MAML1: variants seen among roughly 807,000 people sequenced by gnomAD.
The protein encoded by MAML1 is mastermind-like protein 1.
Under a neutral mutation model 77.1 loss-of-function variants are expected in MAML1, and 14 were observed. That is an observed-to-expected ratio of 0.18 (90% CI 0.12 to 0.28). MAML1 has a LOEUF of 0.28. Among genes scored for constraint, MAML1 ranks in the 10% least tolerant of loss-of-function variants. The pLI is 1.00. For synonymous variants in MAML1, 516 were observed against 551.9 expected, an observed-to-expected ratio of 0.93 and a Z score of 0.91; for missense variants, 1,217 against 1,327.8, an observed-to-expected ratio of 0.92 and a Z score of 1.30.
At chr5:179,761,194 G>T (rs556666273) in intron 1 of MAML1, among the ~76,000 whole-genome samples, 1 of 152,144 alleles carries the variant, frequency 6.6e-6, no homozygotes, top group African/African-American at 2.4e-5. Context: ...AGGAGTTTGA[G>T]ACTAGCCTGG....
Position 179,766,139 on chromosome 5 carries a change from C to G in MAML1, c.1129C>G (p.Leu377Val). 5 of 1,574,380 alleles carry G rather than the reference C, an allele frequency of 3.2e-6. No homozygotes were observed. Among genetic ancestry groups the G allele is most frequent in the Non-Finnish European group, 4.3e-6 (5 of 1,161,754 alleles). ...CCAGGCCCAGAACGCACAAAGAGCCCTTGCAGGTGTGGTATTGCCCAGTCA... is the reference window on the plus strand; with the variant it reads ...CCAGGCCCAGAACGCACAAAGAGCCGTTGCAGGTGTGGTATTGCCCAGTCA... The part of the protein sequence containing the change: ...SAQAQNAQRA[L>V]AGVVLPSQGP... Residue 377 changes from leucine to valine, a missense_variant, in exon 2 of 5, where the codon CTT (leucine) becomes GTT (valine). By Grantham distance (32) the Leu-to-Val change is conservative (BLOSUM62 1). This residue lies in a region of MAML1 where 884 missense variants were observed against 949.3 expected (regional missense o/e 0.93). Transcript: ENST00000292599. This position sits in a 1 kb window ranked among gnomAD's most constrained non-coding sequence, Gnocchi z 4.0.
In MAML1 at chr5:179,771,430, CAGAGGCAAACCACT is replaced by C. The variant is rs1260148276; in HGVS notation, c.2068+191_2068+204del. The stretch of plus-strand genomic sequence containing the variant: ...TCCACGGCATCAGGAGAAGAGGGCA[CAGAGGCAAACCACT>C]AGAACTACCTTTGCTGGGTCCCTGG... On this transcript the variant is annotated intron_variant, in intron 4 of 4. Coordinates refer to ENST00000292599, the MANE Select transcript of MAML1 (RefSeq NM_014757.5). The surrounding 1 kb of genome is among the most constrained non-coding windows in gnomAD (Gnocchi z 4.7). Among the ~76,000 whole-genome samples the C allele has an allele frequency of 6.6e-6, 1 of 152,224 alleles. No individual in the cohort carries two copies. The highest frequency in any genetic ancestry group is 1.5e-5 in the Non-Finnish European group (1 of 68,038).
At chr5:179,747,654 CA>C (rs1779406242) in intron 1 of MAML1, among the ~76,000 whole-genome samples, 1 of 151,440 alleles carries the variant, frequency 6.6e-6, no homozygotes, top group Non-Finnish European at 1.5e-5. Flanking sequence ...ACTAAAAATA[CA>C]AAAAATTAGC....
Position 179,733,024 on chromosome 5 carries a change from G to A in MAML1, c.-89G>A. 2.4e-6 allele frequency: 2 copies of A among 817,494 alleles called. No homozygotes were observed. Among genetic ancestry groups the A allele is most frequent in the Non-Finnish European group, 3.2e-6 (2 of 618,702 alleles). The allele number at this position is 817,494 out of a possible 1,614,324, so 50.6% of individuals were successfully genotyped here. A position where few individuals can be genotyped will look rare whatever the true frequency, so the allele number is the denominator to read the frequency against. On this transcript the variant is annotated 5_prime_UTR_variant, in exon 1 of 5. Transcript: ENST00000292599. ...GGGGGCATGGCGCGGCCGTGAGGCG[G>A]AGAGGGGTAGCCGCGGGGAGCGAAG...
intron 1 of MAML1, among the ~76,000 whole-genome samples, chr5:179,737,295 A>C (rs930094037): frequency 6.6e-6 from 1 of 151,974 alleles, no homozygotes; most frequent in African/African-American, 2.4e-5. Context: ...TTGCATTTGG[A>C]CTCCAAGTTA....
chr5:179,758,847 A>G (rs941685393), intron 1 of MAML1, among the ~76,000 whole-genome samples: 3 of 152,124 alleles, frequency 2.0e-5, no homozygotes, highest in African/African-American at 7.2e-5. Context: ...TACTCAAAAT[A>G]CAAAAATTAG....
chr5:179,776,537 G>T lies in MAML1; in HGVS notation c.*1660G>T. 1 of 985,664 alleles carries T rather than the reference G, an allele frequency of 1.0e-6. No individual in the cohort carries two copies. Among genetic ancestry groups the T allele is most frequent in the Non-Finnish European group, 1.2e-6 (1 of 829,946 alleles). 61.1% of individuals were successfully genotyped at this position (985,664 alleles called of 1,614,324 possible). On this transcript the variant is annotated 3_prime_UTR_variant, in exon 5 of 5. Transcript: ENST00000292599. Reference sequence around the variant, plus strand: ...CTACCTTTCCCATGTACTCAGTTTAGCTCTCAAAGAAGGGGTGAATCATAA... The same window carrying T: ...CTACCTTTCCCATGTACTCAGTTTATCTCTCAAAGAAGGGGTGAATCATAA...
At chr5:179,739,367 T>C (rs1256098714) in intron 1 of MAML1, among the ~76,000 whole-genome samples, 2 of 143,740 alleles carry the variant, frequency 1.4e-5, no homozygotes, top group African/African-American at 4.9e-5. Context: ...TAGAATAGAA[T>C]AGAACGGAAC....
intron 1 of MAML1, among the ~76,000 whole-genome samples, chr5:179,754,284 G>A (rs950062688): frequency 2.6e-5 from 4 of 151,918 alleles, no homozygotes; most frequent in African/African-American, 9.7e-5. Flanking sequence ...GCTGTCTCAA[G>A]AAGAAGAAAT....
At position 179,769,188 on chromosome 5, in the gene MAML1, G is replaced by A. The variant is rs992515111; in HGVS notation, c.1971+99G>A. The A allele has an allele frequency of 1.3e-5, 19 of 1,510,012 alleles. No individual in the cohort carries two copies. Among genetic ancestry groups the A allele is most frequent in the African/African-American group, 6.9e-5 (5 of 72,020 alleles). The allele number at this position is 1,510,012 out of a possible 1,614,324, so 93.5% of individuals were successfully genotyped here. A position where few individuals can be genotyped will look rare whatever the true frequency, so the allele number is the denominator to read the frequency against. Reference sequence around the variant, plus strand: ...CTTCTGCTTGTGCGTGTGGATTTGCGCAGACTTGCGTGCCTGTTGTTAGAG... The same window carrying A: ...CTTCTGCTTGTGCGTGTGGATTTGCACAGACTTGCGTGCCTGTTGTTAGAG... On this transcript the variant is annotated intron_variant, in intron 3 of 4. Transcript: ENST00000292599. The surrounding 1 kb of genome is among the most constrained non-coding windows in gnomAD (Gnocchi z 4.2).
At chr5:179,752,350 A>AAAAATATAT (rs1554150144) in intron 1 of MAML1, among the ~76,000 whole-genome samples, 7 of 66,714 alleles carry the variant, frequency 1.0e-4, no homozygotes, top group Non-Finnish European at 1.6e-4. Flanking sequence ...AAAAAAAAAA[A>AAAAATATAT]ATATATATAT....
At chr5:179,754,128 C>G (rs954402107) in intron 1 of MAML1, among the ~76,000 whole-genome samples, 5 of 151,948 alleles carry the variant, frequency 3.3e-5, no homozygotes, top group Non-Finnish European at 7.4e-5. Flanking sequence ...TAAAAAAATG[C>G]AAAAATTAGC....
rs1355760732 is a variant in MAML1 at position 179,753,653 on chromosome 5, TA to T, written c.316-11672del. Among the ~76,000 whole-genome samples, 110 of 67,554 alleles carry T rather than the reference TA, an allele frequency of 1.6e-3. 1 individual carries two copies. Among genetic ancestry groups the T allele is most frequent in the African/African-American group, 3.6e-3 (56 of 15,426 alleles). The allele number at this position is 67,554 out of a possible 152,430, so 44.3% of individuals were successfully genotyped here. On this transcript the variant is annotated intron_variant, in intron 1 of 4. Coordinates refer to ENST00000292599, the MANE Select transcript of MAML1 (RefSeq NM_014757.5). Reference sequence around the variant, plus strand: ...GTTTGGGTTGTTTTATTATTATTATTATTTTTTTTTTTTTTTTTTTTTTTGA... The same window carrying T: ...GTTTGGGTTGTTTTATTATTATTATTTTTTTTTTTTTTTTTTTTTTTTTGA...
chr5:179,748,071 C>T (rs1182898107), intron 1 of MAML1, among the ~76,000 whole-genome samples: 1 of 151,970 alleles, frequency 6.6e-6, no homozygotes, highest in Admixed American at 6.6e-5. Context: ...TTGGTTAACA[C>T]TATTGCATAC....
intron 1 of MAML1, among the ~76,000 whole-genome samples, chr5:179,745,531 C>A (rs961467206): frequency 1.3e-5 from 2 of 150,984 alleles, no homozygotes; most frequent in African/African-American, 4.9e-5. Flanking sequence ...GCCTGGCCAA[C>A]ATGGAGAAAC....
At chr5:179,739,355 A>C (rs1199286316) in intron 1 of MAML1, among the ~76,000 whole-genome samples, 1 of 143,404 alleles carries the variant, frequency 7.0e-6, no homozygotes, top group Non-Finnish European at 1.6e-5. Context: ...CCATCTCTCA[A>C]ATAGAATAGA....
At chr5:179,773,078 T>G (rs1756039225) in intron 4 of MAML1, among the ~76,000 whole-genome samples, 1 of 152,144 alleles carries the variant, frequency 6.6e-6, no homozygotes. Flanking sequence ...AGAGACAGGG[T>G]TTCACTATGT....
chr5:179,768,946 C>T lies in MAML1; in HGVS notation c.1828C>T (p.Pro610Ser), dbSNP rs756245970. 26 of 1,614,076 alleles carry T rather than the reference C, an allele frequency of 1.6e-5. No individual in the cohort carries two copies. Among genetic ancestry groups the T allele is most frequent in the Non-Finnish European group, 2.1e-5 (25 of 1,180,054 alleles). The change falls in exon 3 of 5, where the codon CCC becomes TCC. Residue 610 changes from proline (P) to serine (S), a missense_variant. Transcript: ENST00000292599. ...CGTGGCCAGCTCCCACAACAGCTCC[C>T]CCTATCTCAGCAGCCAGCAACAGGC... ...VSVASSHNSS[P>S]YLSSQQQAAV...
At chr5:179,743,867 T>TA (rs1779330067) in intron 1 of MAML1, among the ~76,000 whole-genome samples, 1 of 152,158 alleles carries the variant, frequency 6.6e-6, no homozygotes, top group African/African-American at 2.4e-5. Flanking sequence ...TCAACTCTTT[T>TA]AAAAGAAGGT....
Sources: allele counts gnomAD v4.1 joint callset (sites outside exome capture counted in the v4.1 genomes callset), GRCh38; gene constraint gnomAD v4.1.1; regional missense constraint gnomAD v4.1.1; non-coding constraint Gnocchi (gnomAD v3.1); transcripts MANE v1.5; gene names NCBI Gene and HGNC (gene_info 2026-07-23, HGNC 2026-07-21).